The following MATN4 variants were observed in gnomAD, a reference collection of about 807,000 sequenced individuals.
MATN4 encodes the protein matrilin 4, also known as matrilin-4.
A neutral mutation model predicts 54.6 loss-of-function variants in MATN4; 40 were observed. The ratio of observed to expected loss-of-function variants is 0.73; its 90% CI spans 0.57 to 0.95. MATN4 has a LOEUF of 0.95. Among genes scored for constraint, MATN4 ranks in the 40% least tolerant of loss-of-function variants. The probability of loss-of-function intolerance (pLI) is 0.00; values close to 1 mark genes in which losing one functional copy is unlikely to be tolerated. For synonymous variants in MATN4, 351 were observed against 345.3 expected (o/e 1.02, Z -0.18); for missense variants, 810 against 819.1 (o/e 0.99, Z 0.13).
At chr20:45,305,378 G>A in intron 2 of MATN4, 132 bp downstream of exon 2, 2 of 608,082 alleles carry the variant, frequency 3.3e-6, no homozygotes, top group Non-Finnish European at 5.6e-6. Context: ...AAGGTGAAGT[G>A]GGGAACTTAA....
chr20:45,299,460 G>C (rs1986073824), intron 6 of MATN4, among the ~76,000 whole-genome samples: 1 of 152,160 alleles, frequency 6.6e-6, no homozygotes, highest in Non-Finnish European at 1.5e-5. Flanking sequence ...CTGAATGAGT[G>C]TGTTTCCCAA....
intron 6 of MATN4, among the ~76,000 whole-genome samples, chr20:45,300,474 T>A (rs1472943186): frequency 2.0e-5 from 3 of 151,806 alleles, no homozygotes; most frequent in Non-Finnish European, 2.9e-5. Context: ...ATAATATAAC[T>A]CTTTCTACAG....
Position 45,298,882 on chromosome 20 carries a change from T to C in MATN4, c.1013-299A>G, listed in dbSNP as rs1266449974. Among the ~76,000 whole-genome samples the C allele has an allele frequency of 6.6e-6, 1 of 152,194 alleles. No homozygotes were observed. Among genetic ancestry groups the C allele is most frequent in the East Asian group, 1.9e-4 (1 of 5,192 alleles). ...AATGACCACAATAACTACCATTTAT[T>C]GATCATCTACTATGTATCAGGCACA... On this transcript the variant is annotated intron_variant, in intron 6 of 9. Transcript: ENST00000372756. This position sits in a 1 kb window ranked among gnomAD's most constrained non-coding sequence, Gnocchi z 4.6.
intron 8 of MATN4, among the ~76,000 whole-genome samples, chr20:45,296,088 G>A (rs1285405209): frequency 2.0e-5 from 3 of 151,530 alleles, no homozygotes; most frequent in East Asian, 1.9e-4. Context: ...GGTGGCATGC[G>A]CCTGTTGTCC....
At chr20:45,306,924 T>A (rs1004924489) in intron 1 of MATN4, 34 of 1,256,440 alleles carry the variant, frequency 2.7e-5, no homozygotes, top group Non-Finnish European at 3.0e-5. Context: ...GGAGCCACCA[T>A]GGACCCCGCA....
chr20:45,300,277 CG>C (rs1402379345), intron 6 of MATN4, among the ~76,000 whole-genome samples: 1 of 152,002 alleles, frequency 6.6e-6, no homozygotes, highest in Admixed American at 6.6e-5. Flanking sequence ...CTGACACATC[CG>C]GGGAGGGGCA....
At chr20:45,303,041 C>T (rs1986330507) in intron 3 of MATN4, among the ~76,000 whole-genome samples, 1 of 140,782 alleles carries the variant, frequency 7.1e-6, no homozygotes, top group South Asian at 2.2e-4. Flanking sequence ...TAAGATCGCA[C>T]CATTGCACTC....
chr20:45,308,618 G>A, upstream of MATN4: 2 of 257,806 alleles, frequency 7.8e-6, no homozygotes, highest in South Asian at 6.0e-5. Context: ...GCTGCTGCCT[G>A]TCTGGCCTGG....
Position 45,293,625 on chromosome 20 carries a change from G to C in MATN4, c.*142C>G. 1 of 739,688 alleles carries C rather than the reference G, an allele frequency of 1.4e-6. No individual in the cohort carries two copies. Among genetic ancestry groups the C allele is most frequent in the Admixed American group, 3.4e-5 (1 of 29,412 alleles). The allele number at this position is 739,688 out of a possible 1,614,324, so 45.8% of individuals were successfully genotyped here. A position where few individuals can be genotyped will look rare whatever the true frequency, so the allele number is the denominator to read the frequency against. ...CCGGGCGAGGCCAACTCAGCTCAAT[G>C]CCGGAAGCCCGCCAGCGCCTCCGCC... On this transcript the variant is annotated 3_prime_UTR_variant, in exon 10 of 10. Coordinates refer to ENST00000372756, the MANE Select transcript of MATN4 (RefSeq NM_001393530.1).
chr20:45,298,684 G>A lies in MATN4; in HGVS notation c.1013-101C>T. The A allele has an allele frequency of 1.1e-6, 1 of 941,196 alleles. No homozygotes were observed. Among genetic ancestry groups the A allele is most frequent in the Non-Finnish European group, 1.6e-6 (1 of 641,582 alleles). 58.3% of individuals were successfully genotyped at this position (941,196 alleles called of 1,614,324 possible). On this transcript the variant is annotated intron_variant, in intron 6 of 9. Transcript: ENST00000372756. The surrounding 1 kb of genome is among the most constrained non-coding windows in gnomAD (Gnocchi z 4.6). The stretch of plus-strand genomic sequence containing the variant: ...ATTCGCAAACATTTATTATATAACA[G>A]ACAACATTTCCTGAGTCCTTCCTGT...
In MATN4 at chr20:45,308,212, G is replaced by GCGAAGC. The variant is rs773731186; in HGVS notation, c.-78_-73dup. 9.3e-6 allele frequency: 15 copies of GCGAAGC among 1,613,992 alleles called. No individual in the cohort carries two copies. Among genetic ancestry groups the GCGAAGC allele is most frequent in the Non-Finnish European group, 1.3e-5 (15 of 1,179,958 alleles). ...GACAGATCAGAGATGCAGCTGCAGA[G>GCGAAGC]CGAAGCCGACAGGCGGAGCCTCCCG... On this transcript the variant is annotated 5_prime_UTR_variant, in exon 1 of 10. Coordinates refer to ENST00000372756, the MANE Select transcript of MATN4 (RefSeq NM_001393530.1).
At chr20:45,304,120 T>C (rs1986411453) in intron 3 of MATN4, 108 bp downstream of exon 3, 4 of 1,009,746 alleles carry the variant, frequency 4.0e-6, no homozygotes, top group Middle Eastern at 2.4e-4. Context: ...CAACTCTACC[T>C]GGAAATCGCG....
intron 8 of MATN4, among the ~76,000 whole-genome samples, chr20:45,294,926 CTG>C (rs1985717238): frequency 6.6e-6 from 1 of 152,170 alleles, no homozygotes; most frequent in Non-Finnish European, 1.5e-5. Flanking sequence ...CTATTGTAAA[CTG>C]TGCATGTGAG....
intron 1 of MATN4, chr20:45,307,013 C>A (rs988612432): frequency 6.2e-6 from 6 of 974,552 alleles, no homozygotes; most frequent in Non-Finnish European, 8.1e-6. Flanking sequence ...CCCCCCACCC[C>A]CTCCCCACTA....
intron 1 of MATN4, chr20:45,306,771 G>C: frequency 1.8e-6 from 1 of 552,642 alleles, no homozygotes; most frequent in Non-Finnish European, 2.8e-6. Flanking sequence ...GAGCAAACAG[G>C]GGGCCGGGGC....
intron 1 of MATN4, chr20:45,307,001 A>ACCCCCCCCCCCCCCCCCCCCCCC (rs562994913): frequency 1.4e-6 from 1 of 720,926 alleles, no homozygotes; most frequent in African/African-American, 2.8e-5. Flanking sequence ...ACGAAGGACC[A>ACCCCCCCCCCCCCCCCCCCCCCC]CCCCCCCACC....
chr20:45,307,344 C>T (rs1398604680), intron 1 of MATN4, among the ~76,000 whole-genome samples: 2 of 152,190 alleles, frequency 1.3e-5, no homozygotes, highest in Non-Finnish European at 2.9e-5. Context: ...GCGACCTTCT[C>T]ATCCCGGATT....
intron 8 of MATN4, among the ~76,000 whole-genome samples, chr20:45,297,132 C>G (rs888020902): frequency 1.3e-5 from 2 of 150,326 alleles, no homozygotes; most frequent in African/African-American, 4.9e-5. Flanking sequence ...GCGCCCAGCC[C>G]CCCTACATAT....
Position 45,293,810 on chromosome 20 carries a change from G to C in MATN4, c.1703C>G (p.Ala568Gly), listed in dbSNP as rs776874844. Residue 568 changes from alanine (A) to glycine (G), a missense_variant, in exon 10 of 10, where the codon GCG becomes GGG. By Grantham distance (60) the Ala-to-Gly change is moderately conservative. Transcript: ENST00000372756. ...CTGGTTCTCCAGATCCTCCAGGCGC[G>C]CCGTCAGCTGGGCCAGTGAGCGGTT... ...SLTLNLAQLTARLEDLENQLA... is the reference protein window; with the variant it reads ...SLTLNLAQLTGRLEDLENQLA... The C allele has an allele frequency of 6.2e-7, 1 of 1,611,242 alleles. No individual in the cohort carries two copies. Among genetic ancestry groups the C allele is most frequent in the East Asian group, 2.2e-5 (1 of 44,874 alleles).
Sources: allele counts gnomAD v4.1 joint callset (sites outside exome capture counted in the v4.1 genomes callset), GRCh38; gene constraint gnomAD v4.1.1; non-coding constraint Gnocchi (gnomAD v3.1); transcripts MANE v1.5; gene names NCBI Gene and HGNC (gene_info 2026-07-23, HGNC 2026-07-21).